OPCML: variants seen among roughly 807,000 people sequenced by gnomAD.
OPCML encodes opioid-binding protein/cell adhesion molecule.
A neutral mutation model predicts 37.8 loss-of-function variants in OPCML; 13 were observed. The ratio of observed to expected loss-of-function variants is 0.34; its 90% CI spans 0.22 to 0.55. OPCML has a LOEUF of 0.55. Ranked by LOEUF, OPCML falls within the 20% of genes least tolerant of loss-of-function variation. The pLI is 0.91. For synonymous variants in OPCML, 176 were observed against 168.8 expected (o/e 1.04, Z -0.33); for missense variants, 341 against 435.6 (o/e 0.78, Z 1.93).
chr11:132,903,877 T>C (rs75303786), intron 2 of OPCML, among the ~76,000 whole-genome samples: 15,899 of 152,228 alleles, frequency 0.1, 1,099 homozygotes, highest in African/African-American at 0.18. Context: ...GTAGTTTTCA[T>C]TGGTAATGGT....
At chr11:133,421,906 T>G (rs2136895801) in intron 1 of OPCML, 1 of 459,746 alleles carries the variant, frequency 2.2e-6, no homozygotes, top group Admixed American at 6.4e-5. Flanking sequence ...ATTGTCAGTT[T>G]AAGCCTCCAA....
chr11:132,843,185 C>T (rs1941375423), intron 2 of OPCML, among the ~76,000 whole-genome samples: 1 of 150,160 alleles, frequency 6.7e-6, no homozygotes, highest in Non-Finnish European at 1.5e-5. Context: ...ACCTCTGTCT[C>T]CCGGGTTCAA....
intron 2 of OPCML, among the ~76,000 whole-genome samples, chr11:132,818,133 G>C (rs2136240122): frequency 1.3e-5 from 2 of 152,254 alleles, no homozygotes; most frequent in Middle Eastern, 6.8e-3. Context: ...AGAGGTGCCA[G>C]GGTCCAACCA....
At chr11:132,741,955 G>T (rs1315341466) in intron 2 of OPCML, among the ~76,000 whole-genome samples, 1 of 151,992 alleles carries the variant, frequency 6.6e-6, no homozygotes, top group Non-Finnish European at 1.5e-5. Context: ...CTTGAACCCG[G>T]GAGGTGGAGG....
intron 1 of OPCML, among the ~76,000 whole-genome samples, chr11:133,043,771 A>T (rs1947953468): frequency 6.6e-6 from 1 of 152,232 alleles, no homozygotes; most frequent in South Asian, 2.1e-4. Flanking sequence ...ACATAACGAG[A>T]TAAAGCCAGA....
intron 1 of OPCML, among the ~76,000 whole-genome samples, chr11:133,032,212 G>A (rs533813554): frequency 5.3e-5 from 8 of 152,260 alleles, no homozygotes; most frequent in African/African-American, 1.9e-4. Flanking sequence ...ACCTTGACCT[G>A]GTTAAATATC....
chr11:133,242,697 G>C (rs780417701), intron 1 of OPCML, among the ~76,000 whole-genome samples: 1 of 152,168 alleles, frequency 6.6e-6, no homozygotes, highest in Non-Finnish European at 1.5e-5. Flanking sequence ...GAGGTACTGA[G>C]GATCAGGACT....
intron 1 of OPCML, among the ~76,000 whole-genome samples, chr11:133,189,376 T>C (rs1046745064): frequency 6.6e-6 from 1 of 152,222 alleles, no homozygotes; most frequent in African/African-American, 2.4e-5. Flanking sequence ...AGCTCTAGAT[T>C]ACATACTTAC....
chr11:132,850,664 C>T (rs181649223), intron 2 of OPCML, among the ~76,000 whole-genome samples: 2 of 152,228 alleles, frequency 1.3e-5, no homozygotes, highest in Admixed American at 1.3e-4. Flanking sequence ...TCAGAAAAGG[C>T]TTGTATTTAC....
rs142106794 is a variant in OPCML, at chr11:133,105,964, A to T, written c.62-162954T>A. On this transcript the variant is annotated intron_variant, in intron 1 of 7. Coordinates refer to ENST00000524381, the MANE Select transcript of OPCML (RefSeq NM_001012393.5). The stretch of plus-strand genomic sequence containing the variant: ...GCCACTGCACTCCAGCCTGGGCGAC[A>T]GAGCAAGACTCCATCTTAAAAATAA... Among the ~76,000 whole-genome samples the T allele has an allele frequency of 5.3e-3, 805 of 151,054 alleles. 6 individuals are homozygous for T. Among genetic ancestry groups the T allele is most frequent in the African/African-American group, 0.018 (739 of 41,004 alleles).
At chr11:132,421,747 T>C (rs916019523) in intron 7 of OPCML, among the ~76,000 whole-genome samples, 2 of 152,188 alleles carry the variant, frequency 1.3e-5, no homozygotes, top group Non-Finnish European at 2.9e-5. Context: ...TAGCGACATG[T>C]TAATGTCCCA....
In OPCML at chr11:132,649,485, C is replaced by A. The variant is rs534952401; in HGVS notation, c.379+7602G>T. Among the ~76,000 whole-genome samples, 6 of 152,234 alleles carry A rather than the reference C, an allele frequency of 3.9e-5. No individual in the cohort carries two copies. In the East Asian group the frequency reaches 9.7e-4, roughly 25 times the overall value. On this transcript the variant is annotated intron_variant, in intron 3 of 7. Transcript: ENST00000524381. ...TGGGGTGAGTGTGGCCTTGCTCTAA[C>A]CCTGAGCGCAGGGGGCGGGGCAGGT... is the stretch of plus-strand genomic sequence containing the variant.
chr11:132,764,894 C>A (rs1304180904), intron 2 of OPCML, among the ~76,000 whole-genome samples: 1 of 152,228 alleles, frequency 6.6e-6, no homozygotes, highest in Non-Finnish European at 1.5e-5. Context: ...GCAAGGTAAC[C>A]TGTTTCATTG....
intron 1 of OPCML, among the ~76,000 whole-genome samples, chr11:133,464,849 T>C (rs76430380): frequency 1.3e-3 from 194 of 152,168 alleles, no homozygotes; most frequent in African/African-American, 4.5e-3. Flanking sequence ...TGTCATTTGA[T>C]TGAATGATGG....
In OPCML at chr11:132,716,455, A is replaced by ATCT. The variant is rs1944497590; in HGVS notation, c.147-59139_147-59137dup. On this transcript the variant is annotated intron_variant, in intron 2 of 7. Coordinates refer to ENST00000524381, the MANE Select transcript of OPCML (RefSeq NM_001012393.5). ...CTATCTATCTATCTATCTATCTATC[A>ATCT]TCTGTCTACCTACCATCTGTCTATC... Among the ~76,000 whole-genome samples, 3 of 145,624 alleles carry ATCT rather than the reference A, an allele frequency of 2.1e-5. No homozygotes were observed. In the South Asian group the frequency reaches 6.5e-4, roughly 31 times the overall value.
In OPCML at chr11:132,905,557, C is replaced by A. The variant is rs182050419; in HGVS notation, c.146+37369G>T. 5.7e-4 allele frequency among the ~76,000 whole-genome samples: 86 copies of A among 152,158 alleles called. No homozygotes were observed. In the East Asian group the frequency reaches 0.017, roughly 29 times the overall value. ...CTGGAAAGCAGTTCTGACTCCAGAG[C>A]CCAAATTTCACCACCATGCTAGGTA... On this transcript the variant is annotated intron_variant, in intron 2 of 7. Transcript: ENST00000524381.
intron 4 of OPCML, among the ~76,000 whole-genome samples, chr11:132,502,450 CCA>C: frequency 6.6e-6 from 1 of 152,288 alleles, no homozygotes; most frequent in East Asian, 1.9e-4. Context: ...TTTGTTGTCC[CCA>C]GTTACACATC....
intron 1 of OPCML, among the ~76,000 whole-genome samples, chr11:133,172,266 G>A (rs978865861): frequency 6.6e-6 from 1 of 152,142 alleles, no homozygotes; most frequent in African/African-American, 2.4e-5. Flanking sequence ...TCATGGATCA[G>A]TAGAAAAAAT....
In OPCML at chr11:133,173,097, T is replaced by C. The variant is rs972671957; in HGVS notation, c.62-230087A>G. On this transcript the variant is annotated intron_variant, in intron 1 of 7. Transcript: ENST00000524381. The surrounding 1 kb of genome is among the most constrained non-coding windows in gnomAD (Gnocchi z 7.8). ...GTGAACTTAATCTTCCACTTTACGT[T>C]GGGCTTGCTTCCAAGTGGTAATAGC... 3.9e-5 allele frequency among the ~76,000 whole-genome samples: 6 copies of C among 152,228 alleles called. No homozygotes were observed. The highest frequency in any genetic ancestry group is 1.4e-4 in the African/African-American group (6 of 41,458).
Sources: allele counts gnomAD v4.1 joint callset (sites outside exome capture counted in the v4.1 genomes callset), GRCh38; gene constraint gnomAD v4.1.1; non-coding constraint Gnocchi (gnomAD v3.1); transcripts MANE v1.5; gene names NCBI Gene and HGNC (gene_info 2026-07-23, HGNC 2026-07-21).